Variants in CWF19L1 observed in about 807,000 individuals in gnomAD.
The protein encoded by CWF19L1 is CWF19-like protein 1.
A neutral mutation model predicts 69.7 loss-of-function variants in CWF19L1; 60 were observed. That is an observed-to-expected ratio of 0.86 (90% CI 0.70 to 1.07). The LOEUF (loss-of-function observed/expected upper bound fraction) is 1.07, where lower values mean the gene tolerates loss of function less well. Among genes scored for constraint, CWF19L1 ranks in the 50% least tolerant of loss-of-function variants. The pLI is 0.00. For synonymous variants in CWF19L1, 209 were observed against 222.2 expected, an observed-to-expected ratio of 0.94 and a Z score of 0.53; for missense variants, 591 against 638.9, an observed-to-expected ratio of 0.92 and a Z score of 0.81.
rs200629539 is a variant in CWF19L1, at chr10:100,253,411, T to C, written c.623+10A>G. 51 of 1,455,140 alleles carry C rather than the reference T, an allele frequency of 3.5e-5. No homozygotes were observed. The African/African-American group carries it at 6.7e-4, about 19-fold the overall frequency. The allele number at this position is 1,455,140 out of a possible 1,614,324, so 90.1% of individuals were successfully genotyped here. On this transcript the variant is annotated intron_variant, in intron 6 of 13. Coordinates refer to ENST00000354105, the MANE Select transcript of CWF19L1 (RefSeq NM_018294.6). ...CTTCAAAAAGCCAAGAAGAATGAAA[T>C]GCTACTCACCGATATGGAAGCCTCT...
In CWF19L1 at chr10:100,253,429, A is replaced by T; in HGVS notation, c.615T>A (p.Leu205=). 6.3e-7 allele frequency: 1 copy of T among 1,586,886 alleles called. No individual in the cohort carries two copies. The highest frequency in any genetic ancestry group is 8.7e-7 in the Non-Finnish European group (1 of 1,155,492). The part of the protein sequence containing the change: ...AALEKTYYER[L]PYRNHIILQE... ...AATGAAATGCTACTCACCGATATGG[A>T]AGCCTCTCATAATAGGTCTTTTCCA... Residue 205 remains leucine (L), a synonymous_variant, in exon 6 of 14, where the codon CTT becomes CTA. Coordinates refer to ENST00000354105, the MANE Select transcript of CWF19L1 (RefSeq NM_018294.6).
rs1440449137 is a variant in CWF19L1, at chr10:100,267,638, T to G, written c.-45A>C. 4.3e-6 allele frequency: 7 copies of G among 1,611,926 alleles called. No individual in the cohort carries two copies. In the South Asian group the frequency reaches 6.6e-5, roughly 15 times the overall value. ...TGCGACTGCCACCTAAAATTGGGAATGCGAATCCGCGCTCCCCGGAAAAAT... is the reference window on the plus strand; with the variant it reads ...TGCGACTGCCACCTAAAATTGGGAAGGCGAATCCGCGCTCCCCGGAAAAAT... On this transcript the variant is annotated 5_prime_UTR_variant, in exon 1 of 14. Coordinates refer to ENST00000354105, the MANE Select transcript of CWF19L1 (RefSeq NM_018294.6).
At chr10:100,237,134 T>TA (rs761035619) in intron 11 of CWF19L1, 165 bp from the exon 12 acceptor site, 3 of 857,834 alleles carry the variant, frequency 3.5e-6, no homozygotes, top group African/African-American at 3.3e-5. Flanking sequence ...TGTAAGGACT[T>TA]AAACTTATGA....
At chr10:100,254,629 C>T (rs1221017713) in intron 5 of CWF19L1, 2 of 152,084 alleles carry the variant, frequency 1.3e-5, no homozygotes, top group South Asian at 2.1e-4. Flanking sequence ...GAGGTCAGTC[C>T]TAGCATCTTA....
At position 100,260,292 on chromosome 10, in the gene CWF19L1, G is replaced by T; in HGVS notation, c.215C>A (p.Ala72Asp). ...KAPIQTYVLG[A>D]NNQETVKYFQ... ...ATATTTTACTGTTTCCTGGTTATTAGCACCAAGCACATATGTCTGAATAGG... is the reference window on the plus strand; with the variant it reads ...ATATTTTACTGTTTCCTGGTTATTATCACCAAGCACATATGTCTGAATAGG... The change falls in exon 4 of 14, where the codon GCT becomes GAT. Residue 72 changes from alanine to aspartate, a missense_variant. By Grantham distance (126) the Ala-to-Asp change is moderately radical. Transcript: ENST00000354105. 6.2e-7 allele frequency: 1 copy of T among 1,610,528 alleles called. No individual in the cohort carries two copies. The highest frequency in any genetic ancestry group is 8.5e-7 in the Non-Finnish European group (1 of 1,176,990).
chr10:100,252,674 A>C (rs1423222681), intron 6 of CWF19L1, among the ~76,000 whole-genome samples: 1 of 151,918 alleles, frequency 6.6e-6, no homozygotes, highest in Non-Finnish European at 1.5e-5. Context: ...CTCTATTAAA[A>C]ATACAAAAAA....
intron 13 of CWF19L1, 70 bp downstream of exon 13, chr10:100,235,597 G>T: frequency 9.2e-7 from 1 of 1,085,926 alleles, no homozygotes. Context: ...TTTATCAATT[G>T]TCCCATGTAG....
chr10:100,236,509 G>A (rs7905607), intron 12 of CWF19L1, among the ~76,000 whole-genome samples: 11,412 of 152,168 alleles, frequency 0.075, 580 homozygotes, highest in African/African-American at 0.14. Context: ...GGCGTGGGTG[G>A]CTCATGCCTG....
intron 9 of CWF19L1, 59 bp downstream of exon 9, chr10:100,245,740 G>T: frequency 7.2e-7 from 1 of 1,385,820 alleles, no homozygotes; most frequent in Non-Finnish European, 1.0e-6. Flanking sequence ...GCTTTCCAAA[G>T]AAAAGCCAAA....
intron 6 of CWF19L1, among the ~76,000 whole-genome samples, chr10:100,251,505 CTTTTTTTTTTTT>C (rs1208146959): frequency 3.4e-5 from 3 of 88,296 alleles, no homozygotes; most frequent in East Asian, 6.8e-4. Flanking sequence ...GTCTATTGGC[CTTTTTTTTTTTT>C]TTTTTTTTTT....
Position 100,246,952 on chromosome 10 carries a change from C to A in CWF19L1, c.709-17G>T. The A allele has an allele frequency of 6.3e-7, 1 of 1,588,526 alleles. No individual in the cohort carries two copies. Among genetic ancestry groups the A allele is most frequent in the Non-Finnish European group, 8.6e-7 (1 of 1,162,420 alleles). On this transcript the variant is annotated splice_polypyrimidine_tract_variant and intron_variant, in intron 7 of 13. Coordinates refer to ENST00000354105, the MANE Select transcript of CWF19L1 (RefSeq NM_018294.6). ...GTAAAGATACTTTAGAGAAAAAGAA[C>A]ATAATGACATTAGGGGAAATACTAT...
chr10:100,248,857 G>C, intron 7 of CWF19L1: 5 of 1,123,996 alleles, frequency 4.4e-6, no homozygotes, highest in Non-Finnish European at 6.7e-6. Flanking sequence ...ATTTGTGGCA[G>C]AAAAGGCTGA....
chr10:100,244,217 G>A (rs925902735), intron 9 of CWF19L1, among the ~76,000 whole-genome samples: 5 of 152,278 alleles, frequency 3.3e-5, no homozygotes, highest in East Asian at 1.9e-4. Context: ...TCCTTCCTTC[G>A]AGTTTGATCA....
chr10:100,266,527 T>C (rs1847590107), intron 1 of CWF19L1, among the ~76,000 whole-genome samples: 1 of 150,196 alleles, frequency 6.7e-6, no homozygotes, highest in African/African-American at 2.5e-5. Flanking sequence ...TGAATTCCTT[T>C]TTTTTTAGAC....
chr10:100,249,239 A>C (rs74154610), intron 7 of CWF19L1: 3,928 of 236,280 alleles, frequency 0.017, 81 homozygotes, highest in African/African-American at 0.056. Context: ...CCCCTCCCCC[A>C]AAAAAAGCTT....
At chr10:100,251,254 G>A (rs374696329) in intron 6 of CWF19L1, among the ~76,000 whole-genome samples, 2 of 152,128 alleles carry the variant, frequency 1.3e-5, no homozygotes, top group East Asian at 1.9e-4. Context: ...CCGTTACCAT[G>A]CTGCTGACTC....
In CWF19L1 at chr10:100,233,166, TAAA is replaced by T. The variant is rs77776452; in HGVS notation, c.*58_*60del. Reference sequence around the variant, plus strand: ...TTGTCTCAAAAAAAATTCTTTTAATTAAAAAAAAAAAAAAGCTTTACTACTTCC... The same window carrying T: ...TTGTCTCAAAAAAAATTCTTTTAATTAAAAAAAAAAAGCTTTACTACTTCC... On this transcript the variant is annotated 3_prime_UTR_variant, in exon 14 of 14. Transcript: ENST00000354105. The T allele has an allele frequency of 2.1e-4, 272 of 1,300,168 alleles. No individual in the cohort carries two copies. Among genetic ancestry groups the T allele is most frequent in the South Asian group, 4.1e-4 (26 of 63,392 alleles). The allele number at this position is 1,300,168 out of a possible 1,614,324, so 80.5% of individuals were successfully genotyped here. A position where few individuals can be genotyped will look rare whatever the true frequency, so the allele number is the denominator to read the frequency against.
chr10:100,237,908 C>T, intron 11 of CWF19L1, 114 bp downstream of exon 11: 1 of 1,006,746 alleles, frequency 9.9e-7, no homozygotes, highest in Non-Finnish European at 1.5e-6. Context: ...TTCGGCCTCC[C>T]AAAGTGCTAG....
chr10:100,240,078 T>C (rs1846589055), intron 10 of CWF19L1, among the ~76,000 whole-genome samples: 1 of 152,184 alleles, frequency 6.6e-6, no homozygotes, highest in South Asian at 2.1e-4. Context: ...CTTGCAATTT[T>C]TGTGAATAGT....
Sources: allele counts gnomAD v4.1 joint callset (sites outside exome capture counted in the v4.1 genomes callset), GRCh38; gene constraint gnomAD v4.1.1; transcripts MANE v1.5; gene names NCBI Gene and HGNC (gene_info 2026-07-23, HGNC 2026-07-21).